NPR3: variants seen among roughly 807,000 people sequenced by gnomAD.
NPR3 encodes the protein atrial natriuretic peptide receptor 3.
A neutral mutation model predicts 54.5 loss-of-function variants in NPR3; 34 were observed. The ratio of observed to expected loss-of-function variants is 0.62; its 90% CI spans 0.47 to 0.83. The LOEUF (loss-of-function observed/expected upper bound fraction) is 0.83. Among genes scored for constraint, NPR3 ranks in the 40% least tolerant of loss-of-function variants. The pLI is 0.00. For synonymous variants in NPR3, 289 were observed against 297.1 expected (o/e 0.97, Z 0.28); for missense variants, 674 against 720.8 (o/e 0.94, Z 0.74).
At chr5:32,711,043 G>A (rs1245473250), upstream of NPR3, among the ~76,000 whole-genome samples, 1 of 152,122 alleles carries the variant, frequency 6.6e-6, no homozygotes, top group Non-Finnish European at 1.5e-5. Flanking sequence ...GGGGGCTCTT[G>A]CCGGTGCAGA....
rs1554012336 is a variant in NPR3, at chr5:32,711,571, T to TCTTTTC, written c.-206_-205insCTTTTC. 9 of 1,236,662 alleles carry TCTTTTC rather than the reference T, an allele frequency of 7.3e-6. No individual in the cohort carries two copies. In the Admixed American group the frequency reaches 3.3e-4, roughly 46 times the overall value. 76.6% of individuals were successfully genotyped at this position (1,236,662 alleles called of 1,614,324 possible). ...AACTTTTTCTTTTTCTTTTTCTTTT[T>TCTTTTC]TTTTTAAGAAAAACTAGTGACATTG... On this transcript the variant is annotated 5_prime_UTR_variant, in exon 1 of 8. Coordinates refer to ENST00000265074, the MANE Select transcript of NPR3 (RefSeq NM_001204375.2).
In NPR3 at chr5:32,788,420, C is replaced by T. The variant is rs905203; in HGVS notation, c.*2075C>T. The T allele has an allele frequency of 2.6e-5, 4 of 152,240 alleles. No homozygotes were observed. The East Asian group carries it at 7.7e-4, about 29-fold the overall frequency. 9.4% of individuals were successfully genotyped at this position (152,240 alleles called of 1,614,324 possible). ...GCAAGGAAGGATTGTGTCCATCTTA[C>T]TTACTTGAATTGGAGAGCTTGTTTC... is the stretch of plus-strand genomic sequence containing the variant. On this transcript the variant is annotated 3_prime_UTR_variant, in exon 8 of 8. Coordinates refer to ENST00000265074, the MANE Select transcript of NPR3 (RefSeq NM_001204375.2).
In NPR3 at chr5:32,731,309, C is replaced by T. The variant is rs73758303; in HGVS notation, c.892+6489C>T. Among the ~76,000 whole-genome samples the T allele has an allele frequency of 2.7e-3, 404 of 152,246 alleles. 4 individuals carry two copies. The highest frequency in any genetic ancestry group is 9.2e-3 in the African/African-American group (383 of 41,552). On this transcript the variant is annotated intron_variant, in intron 2 of 7. Coordinates refer to ENST00000265074, the MANE Select transcript of NPR3 (RefSeq NM_001204375.2). Reference sequence around the variant, plus strand: ...TAGATCCTTTATATTTTACCTTTTACGCCATATTTGCTCAGACTTTGTGCT... The same window carrying T: ...TAGATCCTTTATATTTTACCTTTTATGCCATATTTGCTCAGACTTTGTGCT...
At chr5:32,770,494 G>A (rs1398185524) in intron 3 of NPR3, among the ~76,000 whole-genome samples, 6 of 152,020 alleles carry the variant, frequency 3.9e-5, no homozygotes, top group Admixed American at 1.3e-4. Flanking sequence ...GAGAGTTAGC[G>A]CCCTCTTGTC....
At chr5:32,727,796 G>GT (rs566625365) in intron 2 of NPR3, among the ~76,000 whole-genome samples, 9 of 152,052 alleles carry the variant, frequency 5.9e-5, no homozygotes, top group Admixed American at 5.9e-4. Flanking sequence ...AACAATGACA[G>GT]TTTTTTTCTC....
At chr5:32,728,853 AT>A (rs1739290102) in intron 2 of NPR3, among the ~76,000 whole-genome samples, 1 of 122,016 alleles carries the variant, frequency 8.2e-6, no homozygotes, top group Non-Finnish European at 1.7e-5. Context: ...ATATATATAT[AT>A]ATATATATAT....
At chr5:32,710,859 G>GTTTTTGTT (rs1738174412), upstream of NPR3, 5 of 979,766 alleles carry the variant, frequency 5.1e-6, no homozygotes, top group African/African-American at 8.4e-5. Context: ...CCCAGTCCTG[G>GTTTTTGTT]TTTTTTTTTT....
chr5:32,725,284 G>C (rs535597562), intron 2 of NPR3, among the ~76,000 whole-genome samples: 405 of 152,096 alleles, frequency 2.7e-3, no homozygotes, highest in Non-Finnish European at 4.6e-3. Flanking sequence ...AAAACAAGAG[G>C]GTTGTGAGAA....
chr5:32,785,718 G>A (rs528370026), intron 7 of NPR3, among the ~76,000 whole-genome samples: 1 of 152,310 alleles, frequency 6.6e-6, no homozygotes, highest in African/African-American at 2.4e-5. Flanking sequence ...AATAATGTAC[G>A]TGTGTGCACT....
rs543194841 is a variant in NPR3 at position 32,728,641 on chromosome 5, G to A, written c.892+3821G>A. On this transcript the variant is annotated intron_variant, in intron 2 of 7. Coordinates refer to ENST00000265074, the MANE Select transcript of NPR3 (RefSeq NM_001204375.2). ...AAGAAAACAGCTCAACTCTGTATTT[G>A]CACCTAACTTCTTTCTGGAGGTAAT... Among the ~76,000 whole-genome samples the A allele has an allele frequency of 1.5e-4, 22 of 151,482 alleles. 1 individual carries two copies. Among genetic ancestry groups the A allele is most frequent in the Admixed American group, 1.3e-3 (20 of 15,200 alleles).
chr5:32,701,876 A>C (rs1475313979), intron 1 of NPR3, among the ~76,000 whole-genome samples: 1 of 152,190 alleles, frequency 6.6e-6, no homozygotes, highest in East Asian at 1.9e-4. Context: ...TGCCAAACAA[A>C]CGGAGTCTCT....
upstream of NPR3, among the ~76,000 whole-genome samples, chr5:32,707,970 A>T (rs1176661075): frequency 6.7e-6 from 1 of 149,620 alleles, no homozygotes; most frequent in African/African-American, 2.5e-5. Context: ...TTATTGTAGT[A>T]GCTTGCCACC....
intron 1 of NPR3, among the ~76,000 whole-genome samples, chr5:32,697,936 C>A (rs1402264207): frequency 4.0e-5 from 6 of 151,886 alleles, no homozygotes; most frequent in Non-Finnish European, 8.8e-5. Context: ...AAAACACCAA[C>A]TTTTCATTTT....
rs1483883450 is a variant in NPR3 at position 32,732,235 on chromosome 5, G to C, written c.893-6629G>C. Among the ~76,000 whole-genome samples the C allele has an allele frequency of 3.6e-5, 4 of 111,770 alleles. No homozygotes were observed. The East Asian group carries it at 1.2e-3, about 33-fold the overall frequency. The allele number at this position is 111,770 out of a possible 152,430, so 73.3% of individuals were successfully genotyped here. Reference sequence around the variant, plus strand: ...CGCAGTCCGGCCTGGGCGACAGAGCGAGACTCCGTCTCAAAAAAAAAAAAA... The same window carrying C: ...CGCAGTCCGGCCTGGGCGACAGAGCCAGACTCCGTCTCAAAAAAAAAAAAA... On this transcript the variant is annotated intron_variant, in intron 2 of 7. Transcript: ENST00000265074.
intron 1 of NPR3, among the ~76,000 whole-genome samples, chr5:32,697,996 C>G (rs1740575193): frequency 6.6e-6 from 1 of 151,916 alleles, no homozygotes; most frequent in South Asian, 2.1e-4. Context: ...TATTTCTGCT[C>G]TGATCTTTAT....
Position 32,782,440 on chromosome 5 carries a change from C to A in NPR3, c.1291-453C>A, listed in dbSNP as rs181385752. Among the ~76,000 whole-genome samples, 90 of 152,170 alleles carry A rather than the reference C, an allele frequency of 5.9e-4. 2 individuals carry two copies. The South Asian group carries it at 0.018, about 30-fold the overall frequency. Reference sequence around the variant, plus strand: ...CAGATGGGTGGGATAGTGCCTTATCCGATGAACAAAGCAAAAGCCGGGAAT... The same window carrying A: ...CAGATGGGTGGGATAGTGCCTTATCAGATGAACAAAGCAAAAGCCGGGAAT... On this transcript the variant is annotated intron_variant, in intron 5 of 7. Coordinates refer to ENST00000265074, the MANE Select transcript of NPR3 (RefSeq NM_001204375.2).
At position 32,728,831 on chromosome 5, in the gene NPR3, GTGTGTGTATATATATATA is replaced by G. The variant is rs1288236260; in HGVS notation, c.892+4013_892+4030del. Among the ~76,000 whole-genome samples, 14 of 63,966 alleles carry G rather than the reference GTGTGTGTATATATATATA, an allele frequency of 2.2e-4. 1 individual carries two copies. The highest frequency in any genetic ancestry group is 8.3e-4 in the African/African-American group (13 of 15,756). 42.0% of individuals were successfully genotyped at this position (63,966 alleles called of 152,430 possible). ...TTGGAATATTTGTGTGTGTGTGTGT[GTGTGTGTATATATATATA>G]TATATATATATATATATATATATAT... On this transcript the variant is annotated intron_variant, in intron 2 of 7. Transcript: ENST00000265074.
upstream of NPR3, chr5:32,710,508 C>A (rs1554012101): frequency 5.1e-6 from 4 of 791,396 alleles, no homozygotes; most frequent in East Asian, 6.9e-5. Context: ...GCTCTCAGTG[C>A]GCTGACAGAG....
At chr5:32,747,010 C>T (rs1192256195) in intron 3 of NPR3, among the ~76,000 whole-genome samples, 1 of 152,096 alleles carries the variant, frequency 6.6e-6, no homozygotes, top group Non-Finnish European at 1.5e-5. Flanking sequence ...TAATACACAA[C>T]TTTCTAGATT....
Sources: allele counts gnomAD v4.1 joint callset (sites outside exome capture counted in the v4.1 genomes callset), GRCh38; gene constraint gnomAD v4.1.1; transcripts MANE v1.5; gene names NCBI Gene and HGNC (gene_info 2026-07-23, HGNC 2026-07-21).